The following SOX6 variants were observed in gnomAD, a reference collection of about 807,000 sequenced individuals.
SOX6 encodes SRY-box transcription factor 6, also known as transcription factor SOX-6.
Under a neutral mutation model 97.8 loss-of-function variants are expected in SOX6, and 11 were observed. The observed-to-expected ratio is 0.11, with a 90% CI of 0.07 to 0.19. The LOEUF is 0.19. SOX6 is among the 10% of genes least tolerant of loss of function. The pLI, the probability that SOX6 is intolerant of heterozygous loss-of-function variation, is 1.00. For missense variants in SOX6, 810 were observed against 1,039.5 expected, an observed-to-expected ratio of 0.78 and a Z score of 3.04; for synonymous variants, 360 against 371.4, an observed-to-expected ratio of 0.97 and a Z score of 0.35.
chr11:16,417,005 G>A (rs1450309008), intron 1 of SOX6, among the ~76,000 whole-genome samples: 8 of 152,120 alleles, frequency 5.3e-5, no homozygotes, highest in East Asian at 1.9e-4. Flanking sequence ...CATACTGGAC[G>A]AATTTAGCTA....
upstream of SOX6, among the ~76,000 whole-genome samples, chr11:16,480,048 A>G (rs2133123756): frequency 1.3e-5 from 2 of 152,232 alleles, no homozygotes; most frequent in Middle Eastern, 3.4e-3. Context: ...TTGACAAAAA[A>G]GATGGCCACA....
chr11:16,531,472 C>T (rs1861235167), intron 4 of SOX6, among the ~76,000 whole-genome samples: 1 of 151,852 alleles, frequency 6.6e-6, no homozygotes, highest in South Asian at 2.1e-4. Context: ...TGTTCTTTTA[C>T]TCATGTCATA....
At chr11:16,281,841 A>G (rs1043307339) in intron 3 of SOX6, among the ~76,000 whole-genome samples, 3 of 151,648 alleles carry the variant, frequency 2.0e-5, no homozygotes, top group African/African-American at 7.3e-5. Flanking sequence ...GATTCCAAAA[A>G]AGTCATGGCT....
At chr11:16,567,766 G>A (rs1186629509) in intron 4 of SOX6, among the ~76,000 whole-genome samples, 12 of 145,002 alleles carry the variant, frequency 8.3e-5, no homozygotes, top group South Asian at 2.2e-4. Context: ...TAGTAGAGAC[G>A]GGGTTTCAGC....
At chr11:16,049,965 T>G in intron 10 of SOX6, 27 bp from the exon 11 acceptor site, 1 of 1,611,566 alleles carries the variant, frequency 6.2e-7, no homozygotes, top group Non-Finnish European at 8.5e-7. Context: ...TAAATAATTA[T>G]TTTTACAAAA....
rs185788493 is a variant in SOX6, at chr11:16,174,560, A to T, written c.777+9326T>A. On this transcript the variant is annotated intron_variant, in intron 6 of 15. Transcript: ENST00000683767. ...AGTACATCCCCTCAGCATTTAAAAG[A>T]TATTTCCCTGTGCTATATCAAGTGT... 2.0e-5 allele frequency among the ~76,000 whole-genome samples: 3 copies of T among 152,032 alleles called. No individual in the cohort carries two copies. The East Asian group carries it at 5.8e-4, about 29-fold the overall frequency.
chr11:16,076,064 A>G (rs1163940495), intron 9 of SOX6, among the ~76,000 whole-genome samples: 1 of 152,036 alleles, frequency 6.6e-6, no homozygotes, highest in Non-Finnish European at 1.5e-5. Context: ...CCATATGCAG[A>G]ATACTGAAGC....
At chr11:16,102,201 T>C (rs1229041287) in intron 7 of SOX6, among the ~76,000 whole-genome samples, 1 of 151,902 alleles carries the variant, frequency 6.6e-6, no homozygotes, top group Non-Finnish European at 1.5e-5. Flanking sequence ...ACAAAATTAA[T>C]GTACACAACG....
In SOX6 at chr11:16,691,386, G is replaced by A. The variant is rs1014929312; in HGVS notation, n.429+23444C>T. 9.2e-5 allele frequency among the ~76,000 whole-genome samples: 14 copies of A among 152,232 alleles called. No homozygotes were observed. The South Asian group carries it at 1.7e-3, about 18-fold the overall frequency. ...TTCCATTAGGGAGAATTCACTTATA[G>A]TGGAAAGAGGCAACCAAATCAAAGC... is the stretch of plus-strand genomic sequence containing the variant. On this transcript the variant is annotated intron_variant and non_coding_transcript_variant, in intron 3 of 5. Coordinates refer to the SOX6 transcript ENST00000524520.
intron 6 of SOX6, among the ~76,000 whole-genome samples, chr11:16,174,733 A>T (rs577887419): frequency 6.6e-6 from 1 of 152,092 alleles, no homozygotes; most frequent in East Asian, 1.9e-4. Context: ...TTATATGAAC[A>T]ACTTTATTTT....
At chr11:16,299,244 T>C (rs938427067) in intron 3 of SOX6, among the ~76,000 whole-genome samples, 2 of 152,214 alleles carry the variant, frequency 1.3e-5, no homozygotes, top group African/African-American at 2.4e-5. Flanking sequence ...ACATATTCTC[T>C]AGCTTCTGCA....
intron 4 of SOX6, among the ~76,000 whole-genome samples, chr11:16,228,994 A>G (rs1452790278): frequency 6.6e-6 from 1 of 152,180 alleles, no homozygotes; most frequent in East Asian, 1.9e-4. Flanking sequence ...ATTATTTCTT[A>G]AATATGTAAA....
chr11:16,681,538 C>G (rs775385096), intron 3 of SOX6, among the ~76,000 whole-genome samples: 45 of 151,980 alleles, frequency 3.0e-4, no homozygotes, highest in Non-Finnish European at 5.9e-4. Flanking sequence ...CCTAACATCA[C>G]AATTAAAAGA....
intron 9 of SOX6, among the ~76,000 whole-genome samples, chr11:16,091,400 ACC>A (rs1413193926): frequency 1.3e-5 from 2 of 151,706 alleles, no homozygotes; most frequent in East Asian, 3.9e-4. Context: ...TAACTCCATC[ACC>A]CTCCCATTCC....
intron 1 of SOX6, among the ~76,000 whole-genome samples, chr11:16,386,498 ATCTT>A (rs1194087313): frequency 1.3e-5 from 2 of 152,124 alleles, no homozygotes; most frequent in South Asian, 2.1e-4. Context: ...ATTCCACATT[ATCTT>A]TCTATTCCTA....
At chr11:16,224,096 T>C in intron 4 of SOX6, among the ~76,000 whole-genome samples, 1 of 152,048 alleles carries the variant, frequency 6.6e-6, no homozygotes, top group East Asian at 1.9e-4. Flanking sequence ...AATAGAAATA[T>C]TTTATAATTG....
intron 4 of SOX6, among the ~76,000 whole-genome samples, chr11:16,490,395 T>A (rs1860493063): frequency 6.6e-6 from 1 of 152,010 alleles, no homozygotes; most frequent in Non-Finnish European, 1.5e-5. Context: ...ATATATATAT[T>A]TTAGATCACT....
At chr11:16,260,030 C>G (rs886638712) in intron 3 of SOX6, among the ~76,000 whole-genome samples, 1 of 151,778 alleles carries the variant, frequency 6.6e-6, no homozygotes, top group African/African-American at 2.4e-5. Flanking sequence ...TAGACGGAGT[C>G]TCGCTGTCAT....
At chr11:16,560,470 C>T (rs867804676) in intron 4 of SOX6, among the ~76,000 whole-genome samples, 31 of 144,616 alleles carry the variant, frequency 2.1e-4, no homozygotes, top group Non-Finnish European at 2.8e-4. Context: ...TATGTTTATA[C>T]GTACATATAT....
Sources: allele counts gnomAD v4.1 joint callset (sites outside exome capture counted in the v4.1 genomes callset), GRCh38; gene constraint gnomAD v4.1.1; transcripts MANE v1.5; gene names NCBI Gene and HGNC (gene_info 2026-07-23, HGNC 2026-07-21).